DLC1: variants seen among roughly 807,000 people sequenced by gnomAD.
DLC1 encodes the protein DLC1 Rho GTPase activating protein, also known as rho GTPase-activating protein 7.
DLC1 carries 54 observed loss-of-function variants against 140.3 expected under a neutral mutation model. That is an observed-to-expected ratio of 0.38 (90% CI 0.31 to 0.48). The LOEUF (loss-of-function observed/expected upper bound fraction) is 0.48, where lower values mean the gene tolerates loss of function less well. Among genes scored for constraint, DLC1 ranks in the 20% least tolerant of loss-of-function variants. The probability of loss-of-function intolerance (pLI) is 0.96; values close to 1 mark genes in which losing one functional copy is unlikely to be tolerated. For missense variants in DLC1, 2,536 were observed against 1,907.0 expected (o/e 1.33, Z -6.14); for synonymous variants, 986 against 728.1 (o/e 1.35, Z -5.70).
At chr8:13,124,048 T>A (rs1821348221) in intron 5 of DLC1, among the ~76,000 whole-genome samples, 1 of 152,208 alleles carries the variant, frequency 6.6e-6, no homozygotes, top group Admixed American at 6.5e-5. Flanking sequence ...AAACCTACAA[T>A]AAGTGATACA....
chr8:13,555,028 TCTTGTAACA>T (rs1803991952), intron 1 of DLC1, among the ~76,000 whole-genome samples: 2 of 152,348 alleles, frequency 1.3e-5, no homozygotes, highest in South Asian at 4.1e-4. Flanking sequence ...GTTCTCTCAG[TCTTGTAACA>T]CTTGCTCTTC....
intron 5 of DLC1, chr8:13,214,630 G>A: frequency 6.4e-6 from 5 of 779,988 alleles, no homozygotes; most frequent in Non-Finnish European, 1.2e-5. Context: ...ACCGGCCTAG[G>A]TGATGTTTTC....
At chr8:13,324,021 C>T (rs1376484454) in intron 4 of DLC1, among the ~76,000 whole-genome samples, 1 of 152,132 alleles carries the variant, frequency 6.6e-6, no homozygotes, top group Non-Finnish European at 1.5e-5. Flanking sequence ...CAGGAGGTGC[C>T]ACTGAGCCTG....
intron 1 of DLC1, among the ~76,000 whole-genome samples, chr8:13,520,418 A>G (rs771436703): frequency 1.2e-4 from 18 of 152,112 alleles, no homozygotes; most frequent in Non-Finnish European, 2.4e-4. Flanking sequence ...GTGGGAGTTG[A>G]ACAGTGGGAA....
chr8:13,178,389 C>T (rs1001835291), intron 5 of DLC1, among the ~76,000 whole-genome samples: 17 of 151,910 alleles, frequency 1.1e-4, no homozygotes, highest in African/African-American at 2.9e-4. Flanking sequence ...ACTGAAACTC[C>T]GTCTCTACTA....
intron 3 of DLC1, among the ~76,000 whole-genome samples, chr8:13,395,768 C>A (rs553884339): frequency 7.6e-6 from 1 of 132,132 alleles, no homozygotes; most frequent in Non-Finnish European, 1.7e-5. Flanking sequence ...TGTGCGTGTG[C>A]GTGTGTGTAG....
rs181472163 is a variant in DLC1, at chr8:13,191,888, C to G, written c.1349-76231G>C. ...CCTATGACTCTGACCTCTCTCGTCT[C>G]CTTTTCTATTAAAACTCTGCTTTAA... On this transcript the variant is annotated intron_variant, in intron 5 of 17. Coordinates refer to ENST00000276297, the MANE Select transcript of DLC1 (RefSeq NM_182643.3). Among the ~76,000 whole-genome samples, 11 of 151,558 alleles carry G rather than the reference C, an allele frequency of 7.3e-5. No homozygotes were observed. In the East Asian group the frequency reaches 1.9e-3, roughly 27 times the overall value.
intron 2 of DLC1, among the ~76,000 whole-genome samples, chr8:13,435,363 G>C (rs1839071716): frequency 6.6e-6 from 1 of 152,124 alleles, no homozygotes. Context: ...GCCCAGGCTG[G>C]AGTGCAATGG....
Position 13,413,256 on chromosome 8 carries a change from A to ACTTTT in DLC1, c.1024-11638_1024-11637insAAAAG, listed in dbSNP as rs1491415150. On this transcript the variant is annotated intron_variant, in intron 2 of 17. Transcript: ENST00000276297. ...TAAAACATTATGAGATTTTTTTGCG[A>ACTTTT]TTTTTTTTTTTTTTTTTTTTTAGCT... 7.7e-3 allele frequency among the ~76,000 whole-genome samples: 632 copies of ACTTTT among 81,986 alleles called. 23 individuals carry two copies. Among genetic ancestry groups the ACTTTT allele is most frequent in the East Asian group, 0.056 (122 of 2,178 alleles). The allele number at this position is 81,986 out of a possible 152,430, so 53.8% of individuals were successfully genotyped here.
chr8:13,539,174 T>G (rs1563428107), intron 1 of DLC1, among the ~76,000 whole-genome samples: 1 of 80,662 alleles, frequency 1.2e-5, no homozygotes, highest in Non-Finnish European at 2.9e-5. Context: ...ATCTGCAAAT[T>G]GTATGTATGT....
At chr8:13,411,186 T>C (rs1466724223) in intron 2 of DLC1, among the ~76,000 whole-genome samples, 3 of 152,304 alleles carry the variant, frequency 2.0e-5, no homozygotes, top group African/African-American at 4.8e-5. Flanking sequence ...AGTAGGTGAA[T>C]GGATAAACAG....
At chr8:13,401,250 G>A (rs1320333412) in intron 3 of DLC1, among the ~76,000 whole-genome samples, 1 of 152,098 alleles carries the variant, frequency 6.6e-6, no homozygotes, top group East Asian at 1.9e-4. Flanking sequence ...TGATAAACAA[G>A]TTCTTTTGTA....
At chr8:13,492,096 C>T (rs12549364) in intron 2 of DLC1, among the ~76,000 whole-genome samples, 130,680 of 152,058 alleles carry the variant, frequency 0.86, 56,877 homozygotes, top group Non-Finnish European at 0.94. Context: ...ATAGAGAGAA[C>T]TGAGCAACTA....
At chr8:13,485,248 T>C (rs1800914172) in intron 2 of DLC1, among the ~76,000 whole-genome samples, 2 of 152,338 alleles carry the variant, frequency 1.3e-5, no homozygotes, top group East Asian at 1.9e-4. Context: ...TGATGCAGTA[T>C]AGAAAACCAT....
At chr8:13,256,700 A>G (rs567076732) in intron 5 of DLC1, among the ~76,000 whole-genome samples, 58 of 152,238 alleles carry the variant, frequency 3.8e-4, no homozygotes, top group African/African-American at 1.3e-3. Flanking sequence ...AGGGAGGGGA[A>G]CATCACACAC....
intron 6 of DLC1, among the ~76,000 whole-genome samples, chr8:13,111,164 G>C (rs1820079264): frequency 6.6e-6 from 1 of 152,166 alleles, no homozygotes; most frequent in African/African-American, 2.4e-5. Context: ...TCAGAAGAAT[G>C]CTCCGTTTTA....
At chr8:13,580,792 G>A (rs7832659) in intron 1 of DLC1, among the ~76,000 whole-genome samples, 43,266 of 152,088 alleles carry the variant, frequency 0.28, 6,782 homozygotes, top group African/African-American at 0.43. Flanking sequence ...CCACACACCA[G>A]GAGGGTATGA....
At chr8:13,133,282 A>C (rs1822279629) in intron 5 of DLC1, 7 of 1,305,756 alleles carry the variant, frequency 5.4e-6, no homozygotes, top group Non-Finnish European at 6.8e-6. Flanking sequence ...GGGCAGTCGG[A>C]GCGAACTGTC....
At chr8:13,150,800 C>G (rs571278094) in intron 5 of DLC1, among the ~76,000 whole-genome samples, 7 of 152,228 alleles carry the variant, frequency 4.6e-5, no homozygotes, top group Admixed American at 1.3e-4. Context: ...TCTCAAGATG[C>G]TTTCTACAAA....
Sources: allele counts gnomAD v4.1 joint callset (sites outside exome capture counted in the v4.1 genomes callset), GRCh38; gene constraint gnomAD v4.1.1; transcripts MANE v1.5; gene names NCBI Gene and HGNC (gene_info 2026-07-23, HGNC 2026-07-21).